DACH1: variants seen among roughly 807,000 people sequenced by gnomAD.
DACH1 encodes dachshund family transcription factor 1.
In DACH1, 12 loss-of-function variants were observed where a neutral mutation model predicts 54.2. That is an observed-to-expected ratio of 0.22 (90% CI 0.14 to 0.36). The LOEUF is 0.36. DACH1 is among the 10% of genes least tolerant of loss of function. The pLI, the probability that DACH1 is intolerant of heterozygous loss-of-function variation, is 1.00. For missense variants in DACH1, 805 were observed against 929.8 expected (o/e 0.87, Z 1.75); for synonymous variants, 386 against 366.2 (o/e 1.05, Z -0.62).
At chr13:71,756,295 G>C (rs1331191969) in intron 1 of DACH1, among the ~76,000 whole-genome samples, 1 of 151,426 alleles carries the variant, frequency 6.6e-6, no homozygotes, top group East Asian at 1.9e-4. Context: ...TGCCCGCCTT[G>C]GCCTCCCAAA....
At chr13:71,466,152 GTT>G (rs1055891988) in intron 10 of DACH1, among the ~76,000 whole-genome samples, 15 of 152,222 alleles carry the variant, frequency 9.9e-5, no homozygotes, top group Admixed American at 8.5e-4. Flanking sequence ...CCGGTGCACT[GTT>G]TAACCACTCT....
intron 1 of DACH1, among the ~76,000 whole-genome samples, chr13:71,837,596 T>C (rs1489496647): frequency 6.6e-6 from 1 of 152,090 alleles, no homozygotes; most frequent in East Asian, 1.9e-4. Context: ...AATGACCTTA[T>C]TAAAGCGAAG....
intron 6 of DACH1, among the ~76,000 whole-genome samples, chr13:71,494,041 T>C (rs1023164142): frequency 6.6e-6 from 1 of 152,116 alleles, no homozygotes; most frequent in African/African-American, 2.4e-5. Context: ...ATACCTTTGA[T>C]GGCAAATCAG....
At chr13:71,726,548 T>C (rs1883474565) in intron 1 of DACH1, among the ~76,000 whole-genome samples, 1 of 152,022 alleles carries the variant, frequency 6.6e-6, no homozygotes, top group African/African-American at 2.4e-5. Context: ...AAATAGGCAA[T>C]GAAAAATCTA....
At chr13:71,773,846 G>C (rs1006958181) in intron 1 of DACH1, among the ~76,000 whole-genome samples, 1 of 151,766 alleles carries the variant, frequency 6.6e-6, no homozygotes, top group Non-Finnish European at 1.5e-5. Flanking sequence ...TGGAAATAGC[G>C]TACAAATAAT....
chr13:71,686,353 C>T (rs962312505), intron 1 of DACH1, among the ~76,000 whole-genome samples: 2 of 152,098 alleles, frequency 1.3e-5, no homozygotes, highest in African/African-American at 2.4e-5. Flanking sequence ...AAATAAAAAG[C>T]TTTCCCACCC....
At chr13:71,681,949 T>C in intron 1 of DACH1, 39 bp from the exon 2 acceptor site, 2 of 1,286,334 alleles carry the variant, frequency 1.6e-6, no homozygotes, top group Non-Finnish European at 2.2e-6. Flanking sequence ...AATTAAGCTA[T>C]TGTCTTACAC....
At chr13:71,599,377 G>C (rs762221714) in intron 3 of DACH1, among the ~76,000 whole-genome samples, 1 of 152,122 alleles carries the variant, frequency 6.6e-6, no homozygotes, top group Non-Finnish European at 1.5e-5. Flanking sequence ...TATACAACCT[G>C]AACAATGGAA....
In DACH1 at chr13:71,665,711, A is replaced by G. The variant is rs1879787820; in HGVS notation, c.964+16084T>C. Among the ~76,000 whole-genome samples, 5 of 152,190 alleles carry G rather than the reference A, an allele frequency of 3.3e-5. No individual in the cohort carries two copies. In the South Asian group the frequency reaches 1.0e-3, roughly 31 times the overall value. On this transcript the variant is annotated intron_variant, in intron 2 of 10. Transcript: ENST00000613252. ...TAAAAAGTTCATCTAACAATTTTTTATCAATGAAAAATTCAATTCATCTTC... is the reference window on the plus strand; with the variant it reads ...TAAAAAGTTCATCTAACAATTTTTTGTCAATGAAAAATTCAATTCATCTTC...
At chr13:71,630,131 A>C (rs1876977395) in intron 3 of DACH1, among the ~76,000 whole-genome samples, 1 of 152,168 alleles carries the variant, frequency 6.6e-6, no homozygotes, top group East Asian at 1.9e-4. Flanking sequence ...GAAAGGGCTA[A>C]GTTTATATGT....
At chr13:71,676,231 T>C (rs1383744588) in intron 2 of DACH1, among the ~76,000 whole-genome samples, 1 of 152,140 alleles carries the variant, frequency 6.6e-6, no homozygotes, top group Non-Finnish European at 1.5e-5. Context: ...AATTTTTTTT[T>C]TGTTGAGATG....
At chr13:71,519,903 A>ATATATC (rs1881458430) in intron 6 of DACH1, among the ~76,000 whole-genome samples, 1 of 136,110 alleles carries the variant, frequency 7.3e-6, no homozygotes, top group Non-Finnish European at 1.6e-5. Context: ...ATATATATAT[A>ATATATC]TATATCCTAA....
intron 1 of DACH1, among the ~76,000 whole-genome samples, chr13:71,847,970 G>A (rs1873398916): frequency 2.0e-5 from 3 of 152,062 alleles, no homozygotes; most frequent in South Asian, 4.2e-4. Flanking sequence ...ATCATTTAGG[G>A]GATCTTGAGA....
At chr13:71,589,897 T>C (rs1873571761) in intron 3 of DACH1, among the ~76,000 whole-genome samples, 1 of 152,040 alleles carries the variant, frequency 6.6e-6, no homozygotes, top group African/African-American at 2.4e-5. Flanking sequence ...AAAAGTATAA[T>C]TAATAACACA....
At chr13:71,847,912 GA>G (rs1307276010) in intron 1 of DACH1, among the ~76,000 whole-genome samples, 3 of 152,150 alleles carry the variant, frequency 2.0e-5, no homozygotes, top group Non-Finnish European at 4.4e-5. Flanking sequence ...CTAAATGGTT[GA>G]ATGCCTAGCT....
At chr13:71,499,133 G>GCAAA (rs1228232083) in intron 6 of DACH1, among the ~76,000 whole-genome samples, 1 of 34,436 alleles carries the variant, frequency 2.9e-5, no homozygotes, top group East Asian at 2.1e-3. Flanking sequence ...ACACACACAC[G>GCAAA]CAGACACACA....
chr13:71,739,600 T>G (rs2137943083), intron 1 of DACH1, among the ~76,000 whole-genome samples: 1 of 152,234 alleles, frequency 6.6e-6, no homozygotes, highest in Non-Finnish European at 1.5e-5. Flanking sequence ...ACTATCTACC[T>G]TTCAGGTGCT....
intron 4 of DACH1, among the ~76,000 whole-genome samples, chr13:71,572,006 C>T: frequency 6.6e-6 from 1 of 151,890 alleles, no homozygotes; most frequent in East Asian, 1.9e-4. Flanking sequence ...AAGATGTGCT[C>T]CAGAGGATAC....
At chr13:71,598,277 T>C (rs1360381466) in intron 3 of DACH1, among the ~76,000 whole-genome samples, 1 of 152,038 alleles carries the variant, frequency 6.6e-6, no homozygotes, top group Admixed American at 6.6e-5. Flanking sequence ...TTTTTTGAGA[T>C]GGAGTCTAGC....
Sources: gnomAD v4.1 joint callset for allele counts (sites outside exome capture counted in the v4.1 genomes callset) on GRCh38, gnomAD v4.1.1 for gene constraint, MANE v1.5 for transcripts, NCBI Gene and HGNC (gene_info 2026-07-23, HGNC 2026-07-21) for gene names.